ARL6IP6: variants seen among roughly 807,000 people sequenced by gnomAD.
ARL6IP6 encodes ARF like GTPase 6 interacting protein 6, also known as ADP-ribosylation factor-like protein 6-interacting protein 6.
ARL6IP6 carries 22 observed loss-of-function variants against 21.5 expected under a neutral mutation model. The observed-to-expected ratio is 1.02, with a 90% CI of 0.73 to 1.46. ARL6IP6 has a LOEUF of 1.46. Ranked by LOEUF, ARL6IP6 falls within the 40% of genes most tolerant of loss-of-function variation. ARL6IP6 has a pLI of 0.00. For missense variants in ARL6IP6, 388 were observed against 299.8 expected, an observed-to-expected ratio of 1.29 and a Z score of -2.17; for synonymous variants, 164 against 125.3, an observed-to-expected ratio of 1.31 and a Z score of -2.06.
At chr2:152,718,244 C>A (rs1219011530), upstream of ARL6IP6, 2 of 315,150 alleles carry the variant, frequency 6.3e-6, no homozygotes, top group African/African-American at 4.4e-5. Flanking sequence ...GACCCGGCGT[C>A]GAAAAGATGA....
Position 152,742,532 on chromosome 2 carries a change from T to C in ARL6IP6, c.587+7406T>C, listed in dbSNP as rs114037361. On this transcript the variant is annotated intron_variant, in intron 3 of 3. Coordinates refer to ENST00000326446, the MANE Select transcript of ARL6IP6 (RefSeq NM_152522.7). The stretch of plus-strand genomic sequence containing the variant: ...GCAGTGAGCTATTATATCGTGCCAC[T>C]GCATTCCAGCCTCAGTGACAGAGCA... 6.1e-3 allele frequency among the ~76,000 whole-genome samples: 872 copies of C among 143,830 alleles called. 5 individuals are homozygous for C. The highest frequency in any genetic ancestry group is 0.022 in the African/African-American group (827 of 38,330). The allele number at this position is 143,830 out of a possible 152,430, so 94.4% of individuals were successfully genotyped here.
chr2:152,720,354 G>A (rs1209814324), intron 1 of ARL6IP6, 179 bp from the exon 2 acceptor site: 4 of 640,580 alleles, frequency 6.2e-6, no homozygotes, highest in Non-Finnish European at 1.1e-5. Context: ...TCCCTTAGTG[G>A]TCAACACATT....
intron 2 of ARL6IP6, among the ~76,000 whole-genome samples, chr2:152,724,129 A>G (rs931054870): frequency 4.1e-5 from 4 of 98,116 alleles, no homozygotes; most frequent in African/African-American, 1.1e-4. Flanking sequence ...AAAAAAAAAG[A>G]GAGAAAGCCA....
At chr2:152,725,860 A>G (rs1263502427) in intron 2 of ARL6IP6, among the ~76,000 whole-genome samples, 1 of 152,226 alleles carries the variant, frequency 6.6e-6, no homozygotes, top group Non-Finnish European at 1.5e-5. Context: ...ATTTCTTATG[A>G]AAATTTTTAA....
At chr2:152,721,456 C>T (rs1699786818) in intron 2 of ARL6IP6, among the ~76,000 whole-genome samples, 1 of 151,862 alleles carries the variant, frequency 6.6e-6, no homozygotes, top group African/African-American at 2.4e-5. Flanking sequence ...CACAGGTTTC[C>T]AGTGAAAAAG....
At chr2:152,722,034 A>G (rs755030057) in intron 2 of ARL6IP6, among the ~76,000 whole-genome samples, 19 of 152,210 alleles carry the variant, frequency 1.2e-4, no homozygotes, top group Non-Finnish European at 2.8e-4. Context: ...AATCTTATGA[A>G]TTAGGCATGA....
chr2:152,755,063 C>T lies in ARL6IP6; in HGVS notation c.588-4684C>T, dbSNP rs570354964. Among the ~76,000 whole-genome samples, 5 of 152,230 alleles carry T rather than the reference C, an allele frequency of 3.3e-5. No individual in the cohort carries two copies. The South Asian group carries it at 8.3e-4, about 25-fold the overall frequency. The stretch of plus-strand genomic sequence containing the variant: ...CAATATTATAATAATCCTCTCTCTA[C>T]AATCATAACCTAGGAAAAACCAGGC... On this transcript the variant is annotated intron_variant, in intron 3 of 3. Transcript: ENST00000326446.
chr2:152,738,030 G>A lies in ARL6IP6; in HGVS notation c.587+2904G>A, dbSNP rs116476953. On this transcript the variant is annotated intron_variant, in intron 3 of 3. Transcript: ENST00000326446. The stretch of plus-strand genomic sequence containing the variant: ...AATTACTTCCAAGATAACAATGGCG[G>A]TACAAGCACTGTAAATACACCCATT... Among the ~76,000 whole-genome samples, 815 of 152,242 alleles carry A rather than the reference G, an allele frequency of 5.4e-3. 2 individuals are homozygous for A. Among genetic ancestry groups the A allele is most frequent in the African/African-American group, 0.019 (779 of 41,568 alleles).
chr2:152,718,340 TG>T, upstream of ARL6IP6: 1 of 345,000 alleles, frequency 2.9e-6, no homozygotes, highest in Non-Finnish European at 5.0e-6. Context: ...CCGCAGGGAG[TG>T]GATACTCGAC....
chr2:152,755,768 C>T (rs191591044), intron 3 of ARL6IP6, among the ~76,000 whole-genome samples: 11 of 152,252 alleles, frequency 7.2e-5, no homozygotes, highest in Non-Finnish European at 1.5e-5. Flanking sequence ...TGGTAGTGGT[C>T]CCCCGGGCCC....
At chr2:152,740,529 T>C (rs1286716060) in intron 3 of ARL6IP6, among the ~76,000 whole-genome samples, 1 of 150,954 alleles carries the variant, frequency 6.6e-6, no homozygotes, top group African/African-American at 2.5e-5. Flanking sequence ...ATACAAAATA[T>C]AAAATATAAA....
Position 152,760,668 on chromosome 2 carries a change from T to G in ARL6IP6, c.*828T>G, listed in dbSNP as rs1415169622. On this transcript the variant is annotated 3_prime_UTR_variant, in exon 4 of 4. Transcript: ENST00000326446. The stretch of plus-strand genomic sequence containing the variant: ...AGAAAAAATTTGAAATTTTTACTAT[T>G]TCTGTTTCCACAATTCCAAATATTT... The G allele has an allele frequency of 6.6e-6, 1 of 152,048 alleles. No homozygotes were observed. Among genetic ancestry groups the G allele is most frequent in the Non-Finnish European group, 1.5e-5 (1 of 67,964 alleles). The allele number at this position is 152,048 out of a possible 1,614,324, so 9.4% of individuals were successfully genotyped here.
intron 3 of ARL6IP6, among the ~76,000 whole-genome samples, chr2:152,745,120 G>T (rs574898632): frequency 1.3e-5 from 2 of 152,096 alleles, no homozygotes; most frequent in Non-Finnish European, 2.9e-5. Flanking sequence ...GGAACATTCA[G>T]GATTCAGTAT....
intron 3 of ARL6IP6, among the ~76,000 whole-genome samples, chr2:152,737,309 A>T (rs980074149): frequency 6.6e-6 from 1 of 152,142 alleles, no homozygotes; most frequent in South Asian, 2.1e-4. Flanking sequence ...CATTAACCTT[A>T]TAAGTGTAAG....
intron 2 of ARL6IP6, among the ~76,000 whole-genome samples, chr2:152,726,106 T>C (rs970944529): frequency 6.6e-6 from 1 of 152,140 alleles, no homozygotes; most frequent in Non-Finnish European, 1.5e-5. Context: ...TTCTCTCAAC[T>C]TTTTCCTGTG....
Position 152,719,760 on chromosome 2 carries a change from A to C in ARL6IP6, c.400+736A>C, listed in dbSNP as rs1381079939. 6.5e-5 allele frequency: 20 copies of C among 308,026 alleles called. No homozygotes were observed. In the Middle Eastern group the frequency reaches 3.6e-3, roughly 56 times the overall value. The allele number at this position is 308,026 out of a possible 1,614,324, so 19.1% of individuals were successfully genotyped here. On this transcript the variant is annotated intron_variant, in intron 1 of 3. Coordinates refer to ENST00000326446, the MANE Select transcript of ARL6IP6 (RefSeq NM_152522.7). ...CTTTGCCAAGTTACTGAAAAAAAAA[A>C]AAAAAAAAAAAAAACAAAAGAACTT...
intron 2 of ARL6IP6, among the ~76,000 whole-genome samples, chr2:152,725,726 A>C (rs1700013789): frequency 6.6e-6 from 1 of 152,182 alleles, no homozygotes; most frequent in Non-Finnish European, 1.5e-5. Context: ...GGTATTTACA[A>C]GATGGATATG....
chr2:152,719,928 T>TA (rs1465324265), intron 1 of ARL6IP6: 8 of 425,624 alleles, frequency 1.9e-5, no homozygotes, highest in Non-Finnish European at 2.9e-5. Context: ...GCATGGCATC[T>TA]AAAACCTTAC....
intron 3 of ARL6IP6, among the ~76,000 whole-genome samples, chr2:152,746,681 G>A (rs1559238905): frequency 6.6e-6 from 1 of 152,050 alleles, no homozygotes; most frequent in Non-Finnish European, 1.5e-5. Flanking sequence ...CAACAGATAC[G>A]TCAGATGATA....
Sources: allele counts gnomAD v4.1 joint callset (sites outside exome capture counted in the v4.1 genomes callset), GRCh38; gene constraint gnomAD v4.1.1; transcripts MANE v1.5; gene names NCBI Gene and HGNC (gene_info 2026-07-23, HGNC 2026-07-21).